The following UNC5D variants were observed in gnomAD, a reference collection of about 807,000 sequenced individuals.
UNC5D encodes the protein netrin receptor UNC5D.
In UNC5D, 39 loss-of-function variants were observed where a neutral mutation model predicts 105.4. The ratio of observed to expected loss-of-function variants is 0.37; its 90% confidence interval spans 0.29 to 0.48. The LOEUF (loss-of-function observed/expected upper bound fraction) is 0.48, where lower values mean the gene tolerates loss of function less well. Among genes scored for constraint, UNC5D ranks in the 20% least tolerant of loss-of-function variants. The pLI, the probability that UNC5D is intolerant of heterozygous loss-of-function variation, is 0.98. For synonymous variants in UNC5D, 452 were observed against 450.4 expected, an observed-to-expected ratio of 1.00 and a Z score of -0.04; for missense variants, 991 against 1,202.4, an observed-to-expected ratio of 0.82 and a Z score of 2.60.
At chr8:35,672,721 G>A (rs1824905013) in intron 4 of UNC5D, among the ~76,000 whole-genome samples, 1 of 152,012 alleles carries the variant, frequency 6.6e-6, no homozygotes, top group Non-Finnish European at 1.5e-5. Flanking sequence ...TCATCATTCT[G>A]CAAACTCTTT....
At chr8:35,293,186 G>A (rs1050225243) in intron 1 of UNC5D, among the ~76,000 whole-genome samples, 2 of 152,178 alleles carry the variant, frequency 1.3e-5, no homozygotes, top group Non-Finnish European at 2.9e-5. Flanking sequence ...AAGTGAAAGA[G>A]GTAGTGGAAG....
chr8:35,711,982 T>C (rs1481044575), intron 8 of UNC5D, among the ~76,000 whole-genome samples: 1 of 152,152 alleles, frequency 6.6e-6, no homozygotes, highest in East Asian at 1.9e-4. Flanking sequence ...CTGGACCTTT[T>C]GGTGTTAAAG....
intron 1 of UNC5D, among the ~76,000 whole-genome samples, chr8:35,491,909 T>A (rs1187457900): frequency 2.0e-5 from 3 of 152,178 alleles, no homozygotes; most frequent in Non-Finnish European, 1.5e-5. Flanking sequence ...AGTCCCTTCT[T>A]CCTTAGCTTT....
At chr8:35,259,207 AG>A (rs1804278834) in intron 1 of UNC5D, among the ~76,000 whole-genome samples, 2 of 152,202 alleles carry the variant, frequency 1.3e-5, no homozygotes, top group Admixed American at 1.3e-4. Flanking sequence ...AGTGTATTAA[AG>A]AAAAGGCTGT....
intron 14 of UNC5D, among the ~76,000 whole-genome samples, chr8:35,763,059 T>C (rs1252848748): frequency 6.6e-6 from 1 of 152,204 alleles, no homozygotes; most frequent in South Asian, 2.1e-4. Context: ...GTGTTTTTTG[T>C]TTTTGTTTTT....
At chr8:35,611,794 A>G (rs1266278977) in intron 4 of UNC5D, among the ~76,000 whole-genome samples, 1 of 152,314 alleles carries the variant, frequency 6.6e-6, no homozygotes, top group East Asian at 1.9e-4. Flanking sequence ...TTTCAAAACA[A>G]TTCATTATCC....
At chr8:35,417,230 A>G (rs1229170515) in intron 1 of UNC5D, among the ~76,000 whole-genome samples, 2 of 144,252 alleles carry the variant, frequency 1.4e-5, no homozygotes, top group South Asian at 2.4e-4. Flanking sequence ...CTCCCACCCC[A>G]TCCCCACCCC....
chr8:35,417,409 G>A (rs1413831722), intron 1 of UNC5D, among the ~76,000 whole-genome samples: 1 of 151,448 alleles, frequency 6.6e-6, no homozygotes, highest in Admixed American at 6.6e-5. Context: ...AGATTCACTG[G>A]GCAGTGTGAG....
intron 7 of UNC5D, among the ~76,000 whole-genome samples, chr8:35,695,047 T>G (rs967965722): frequency 4.6e-5 from 7 of 152,224 alleles, no homozygotes; most frequent in African/African-American, 1.7e-4. Context: ...GTCATTAAAA[T>G]CTATAGAAGA....
At position 35,316,110 on chromosome 8, in the gene UNC5D, T is replaced by G. The variant is rs147461009; in HGVS notation, c.103+80223T>G. 1.8e-3 allele frequency among the ~76,000 whole-genome samples: 273 copies of G among 152,272 alleles called. 3 individuals are homozygous for G. Among genetic ancestry groups the G allele is most frequent in the African/African-American group, 6.2e-3 (259 of 41,558 alleles). ...GCAGTACATTAATCGAATAGTATAT[T>G]GAAGGAAGACTGATCTAAGGTAGTG... On this transcript the variant is annotated intron_variant, in intron 1 of 16. Transcript: ENST00000404895.
At chr8:35,466,022 C>A (rs542217229) in intron 1 of UNC5D, among the ~76,000 whole-genome samples, 1 of 152,128 alleles carries the variant, frequency 6.6e-6, no homozygotes, top group African/African-American at 2.4e-5. Context: ...CTGCTGACAA[C>A]TGATTTTGCC....
At chr8:35,442,684 A>G (rs1439708334) in intron 1 of UNC5D, among the ~76,000 whole-genome samples, 1 of 151,948 alleles carries the variant, frequency 6.6e-6, no homozygotes, top group Non-Finnish European at 1.5e-5. Flanking sequence ...ATGAAAATCC[A>G]TACGAAAAAT....
At chr8:35,669,419 A>G (rs1824630350) in intron 4 of UNC5D, among the ~76,000 whole-genome samples, 1 of 148,724 alleles carries the variant, frequency 6.7e-6, no homozygotes. Context: ...GTATTCCTAT[A>G]TCACTTGTCT....
chr8:35,769,670 A>T (rs1375454021), intron 15 of UNC5D, among the ~76,000 whole-genome samples: 2 of 152,168 alleles, frequency 1.3e-5, no homozygotes, highest in Non-Finnish European at 2.9e-5. Flanking sequence ...TAATGCATAA[A>T]AACTGTCCTC....
At chr8:35,724,359 C>T in intron 9 of UNC5D, 6 of 1,505,774 alleles carry the variant, frequency 4.0e-6, no homozygotes, top group Non-Finnish European at 5.3e-6. Context: ...TGGTTTTCAC[C>T]TCCACTGTCT....
intron 1 of UNC5D, among the ~76,000 whole-genome samples, chr8:35,274,783 A>G (rs1805655923): frequency 1.3e-5 from 2 of 152,214 alleles, no homozygotes; most frequent in Admixed American, 1.3e-4. Context: ...TTGTTGGCAA[A>G]ATGATTTAAT....
intron 1 of UNC5D, among the ~76,000 whole-genome samples, chr8:35,500,942 A>C (rs1205385124): frequency 1.4e-5 from 2 of 145,402 alleles, no homozygotes; most frequent in African/African-American, 2.7e-5. Flanking sequence ...AATTCAAAGG[A>C]AATAGGAGGA....
chr8:35,785,249 T>A (rs1586643053), intron 16 of UNC5D, among the ~76,000 whole-genome samples: 1 of 152,112 alleles, frequency 6.6e-6, no homozygotes, highest in African/African-American at 2.4e-5. Flanking sequence ...CACAAGGAGA[T>A]GAGATGGATA....
At chr8:35,688,082 A>C (rs1320014192) in intron 7 of UNC5D, among the ~76,000 whole-genome samples, 2 of 151,976 alleles carry the variant, frequency 1.3e-5, no homozygotes, top group Admixed American at 1.3e-4. Flanking sequence ...CAGTGAGCCG[A>C]GATAGCACCA....
Sources: gnomAD v4.1 joint callset for allele counts (sites outside exome capture counted in the v4.1 genomes callset) on GRCh38, gnomAD v4.1.1 for gene constraint, MANE v1.5 for transcripts, NCBI Gene and HGNC (gene_info 2026-07-23, HGNC 2026-07-21) for gene names.